The following RUNX2 variants were observed in gnomAD, a reference collection of about 807,000 sequenced individuals.
The protein encoded by RUNX2 is RUNX family transcription factor 2, also known as runt-related transcription factor 2.
Under a neutral mutation model 51.7 loss-of-function variants are expected in RUNX2, and 10 were observed. The observed-to-expected ratio is 0.19, with a 90% CI of 0.12 to 0.33. RUNX2 has a LOEUF of 0.33. Ranked by LOEUF, RUNX2 falls within the 10% of genes least tolerant of loss-of-function variation. RUNX2 has a pLI of 1.00. For synonymous variants in RUNX2, 276 were observed against 273.6 expected (o/e 1.01, Z -0.09); for missense variants, 562 against 691.3 (o/e 0.81, Z 2.10).
chr6:45,506,191 C>T (rs535068777), intron 6 of RUNX2, among the ~76,000 whole-genome samples: 2 of 152,244 alleles, frequency 1.3e-5, no homozygotes, highest in Admixed American at 1.3e-4. Flanking sequence ...TGGGTTCATC[C>T]TCAGGGCCCG....
chr6:45,394,288 G>A (rs1419949921), intron 2 of RUNX2, among the ~76,000 whole-genome samples: 2 of 152,112 alleles, frequency 1.3e-5, no homozygotes, highest in Non-Finnish European at 2.9e-5. Flanking sequence ...AGCCATTCAT[G>A]AGGGATCCGC....
At chr6:45,421,572 A>G (rs1479615228) in intron 2 of RUNX2, 2 of 152,382 alleles carry the variant, frequency 1.3e-5, no homozygotes, top group Admixed American at 6.5e-5. Flanking sequence ...TCCTGAAGTT[A>G]CAACGAAAAA....
chr6:45,435,086 GGCAGATCATAGTT>G (rs1798645846), intron 4 of RUNX2, among the ~76,000 whole-genome samples: 1 of 152,076 alleles, frequency 6.6e-6, no homozygotes. Context: ...GTCTGATTTT[GGCAGATCATAGTT>G]ATACTTAACT....
intron 2 of RUNX2, among the ~76,000 whole-genome samples, chr6:45,331,497 T>C (rs925993156): frequency 1.3e-5 from 2 of 151,836 alleles, no homozygotes; most frequent in African/African-American, 4.8e-5. Context: ...ATTCCAAAAC[T>C]AGGGAGCAGA....
chr6:45,337,087 G>A (rs1479184697), intron 2 of RUNX2, among the ~76,000 whole-genome samples: 9 of 151,654 alleles, frequency 5.9e-5, no homozygotes, highest in South Asian at 2.1e-4. Context: ...AGCCAACCCC[G>A]AACATAGGAG....
intron 8 of RUNX2, 69 bp downstream of exon 8, chr6:45,545,351 C>A (rs777516144): frequency 2.0e-6 from 3 of 1,488,836 alleles, no homozygotes; most frequent in Admixed American, 2.2e-5. Context: ...TGTTACTGTC[C>A]GATTTGTGAG....
Position 45,492,133 on chromosome 6 carries a change from T to C in RUNX2, c.859+19T>C. 1 of 1,613,200 alleles carries C rather than the reference T, an allele frequency of 6.2e-7. No homozygotes were observed. Among genetic ancestry groups the C allele is most frequent in the South Asian group, 1.1e-5 (1 of 91,046 alleles). ...ATTACAGGTAAGACAGACTCATAGG[T>C]TTCACTTGCATAGACGCTGGCAGGC... On this transcript the variant is annotated intron_variant, in intron 6 of 8. Coordinates refer to ENST00000647337, the MANE Select transcript of RUNX2 (RefSeq NM_001024630.4).
chr6:45,478,482 C>A (rs1800020793), intron 5 of RUNX2, among the ~76,000 whole-genome samples: 1 of 152,160 alleles, frequency 6.6e-6, no homozygotes, highest in South Asian at 2.1e-4. Context: ...TTGCCTACAG[C>A]CTCACAACTA....
chr6:45,498,355 G>T (rs118144403), intron 6 of RUNX2, among the ~76,000 whole-genome samples: 1 of 152,188 alleles, frequency 6.6e-6, no homozygotes, highest in Non-Finnish European at 1.5e-5. Context: ...TTGACTGTGA[G>T]TTCCTGATTC....
chr6:45,387,374 C>A (rs1797373149), intron 2 of RUNX2, among the ~76,000 whole-genome samples: 1 of 152,188 alleles, frequency 6.6e-6, no homozygotes, highest in Non-Finnish European at 1.5e-5. Context: ...GTTTAGGAAC[C>A]AGAAGCACAC....
chr6:45,400,174 A>AGAAGGAGGGATGGAGGGAAGGAAGGAAG (rs1563069104), intron 2 of RUNX2, among the ~76,000 whole-genome samples: 1 of 117,792 alleles, frequency 8.5e-6, no homozygotes, highest in African/African-American at 2.9e-5. Flanking sequence ...AAGGAAGGAA[A>AGAAGGAGGGATGGAGGGAAGGAAGGAAG]GAAGGAGGGA....
At chr6:45,527,736 T>C (rs1038036804) in intron 7 of RUNX2, among the ~76,000 whole-genome samples, 1 of 152,214 alleles carries the variant, frequency 6.6e-6, no homozygotes, top group African/African-American at 2.4e-5. Flanking sequence ...ATGTTTTGTT[T>C]GACTGAAAAT....
Position 45,377,133 on chromosome 6 carries a change from G to A in RUNX2, c.59-45460G>A, listed in dbSNP as rs116486581. On this transcript the variant is annotated intron_variant, in intron 2 of 8. Coordinates refer to ENST00000647337, the MANE Select transcript of RUNX2 (RefSeq NM_001024630.4). ...ATTCTGAACTCCTAAAACGTGGAGA[G>A]CAAAAGCAGAGCTAATATGTACTGA... 2.8e-3 allele frequency among the ~76,000 whole-genome samples: 423 copies of A among 152,234 alleles called. 3 individuals are homozygous for A. The highest frequency in any genetic ancestry group is 9.7e-3 in the African/African-American group (405 of 41,546).
chr6:45,360,563 G>A (rs1277308924), intron 2 of RUNX2, among the ~76,000 whole-genome samples: 2 of 151,972 alleles, frequency 1.3e-5, no homozygotes, highest in Admixed American at 6.6e-5. Context: ...AGATGAAGGG[G>A]GCACACATTC....
intron 7 of RUNX2, among the ~76,000 whole-genome samples, chr6:45,533,367 T>C (rs1480450062): frequency 6.6e-6 from 1 of 152,238 alleles, no homozygotes; most frequent in Non-Finnish European, 1.5e-5. Flanking sequence ...TCTATGTAAC[T>C]AAGATGTGTT....
intron 2 of RUNX2, among the ~76,000 whole-genome samples, chr6:45,396,914 T>C (rs1462303169): frequency 6.6e-6 from 1 of 152,198 alleles, no homozygotes; most frequent in Non-Finnish European, 1.5e-5. Flanking sequence ...CACCAGTTGA[T>C]GGACATTTGG....
intron 5 of RUNX2, among the ~76,000 whole-genome samples, chr6:45,463,571 A>G (rs1033409780): frequency 2.6e-5 from 4 of 152,156 alleles, no homozygotes; most frequent in African/African-American, 9.7e-5. Context: ...TCTCAGTGTA[A>G]GTATGATAAT....
intron 7 of RUNX2, among the ~76,000 whole-genome samples, chr6:45,539,592 A>G (rs987628476): frequency 1.3e-5 from 2 of 152,224 alleles, no homozygotes; most frequent in African/African-American, 4.8e-5. Flanking sequence ...ATTCAGGGAA[A>G]TTTAGAAAAT....
At chr6:45,484,053 A>C (rs953799200) in intron 5 of RUNX2, among the ~76,000 whole-genome samples, 1 of 152,224 alleles carries the variant, frequency 6.6e-6, no homozygotes, top group African/African-American at 2.4e-5. Flanking sequence ...TGGGGGCAGA[A>C]AGAATTTCAG....
Sources: gnomAD v4.1 joint callset for allele counts (sites outside exome capture counted in the v4.1 genomes callset) on GRCh38, gnomAD v4.1.1 for gene constraint, MANE v1.5 for transcripts, NCBI Gene and HGNC (gene_info 2026-07-23, HGNC 2026-07-21) for gene names.